The following PCDH15 variants were observed in gnomAD, a reference collection of about 807,000 sequenced individuals.
PCDH15 encodes the protein protocadherin-15.
A neutral mutation model predicts 178.5 loss-of-function variants in PCDH15; 129 were observed. That is an observed-to-expected ratio of 0.72 (90% CI 0.63 to 0.84). The LOEUF (loss-of-function observed/expected upper bound fraction) is 0.84. Ranked by LOEUF, PCDH15 falls within the 40% of genes least tolerant of loss-of-function variation. The pLI is 0.00. For missense variants in PCDH15, 2,230 were observed against 2,099.9 expected (o/e 1.06, Z -1.21); for synonymous variants, 800 against 732.0 (o/e 1.09, Z -1.50).
chr10:55,183,126 A>C lies in PCDH15; in HGVS notation c.-155-16475T>G, dbSNP rs1211759935. On this transcript the variant is annotated intron_variant, in intron 1 of 5. Transcript: ENST00000458638. Reference sequence around the variant, plus strand: ...CAGAGGAAGCAGTTGATTTTGAAAAAGTTGTTACTTATCTAATGTCAAAAT... The same window carrying C: ...CAGAGGAAGCAGTTGATTTTGAAAACGTTGTTACTTATCTAATGTCAAAAT... Among the ~76,000 whole-genome samples the C allele has an allele frequency of 3.3e-5, 5 of 152,008 alleles. No homozygotes were observed. The South Asian group carries it at 1.0e-3, about 32-fold the overall frequency.
chr10:55,131,276 G>T (rs1040758813), intron 2 of PCDH15, among the ~76,000 whole-genome samples: 1 of 152,122 alleles, frequency 6.6e-6, no homozygotes, highest in African/African-American at 2.4e-5. Flanking sequence ...CATGCTGTCT[G>T]CAATGAGGCA....
At chr10:54,064,770 T>C (rs1185268748) in intron 18 of PCDH15, among the ~76,000 whole-genome samples, 1 of 152,090 alleles carries the variant, frequency 6.6e-6, no homozygotes, top group Admixed American at 6.5e-5. Flanking sequence ...TGCCAGGAGC[T>C]GGAAGAGGTC....
intron 3 of PCDH15, among the ~76,000 whole-genome samples, chr10:54,400,731 G>A (rs1161637890): frequency 6.6e-6 from 1 of 151,916 alleles, no homozygotes; most frequent in Non-Finnish European, 1.5e-5. Flanking sequence ...CCATGACAAA[G>A]ACGAGAGGAA....
intron 8 of PCDH15, among the ~76,000 whole-genome samples, chr10:54,290,154 A>G (rs903363305): frequency 2.6e-5 from 4 of 152,148 alleles, no homozygotes; most frequent in African/African-American, 4.8e-5. Context: ...AGAAAGGTCG[A>G]GTTACCCACA....
At chr10:54,079,695 A>T (rs2094405562) in intron 16 of PCDH15, among the ~76,000 whole-genome samples, 2 of 152,200 alleles carry the variant, frequency 1.3e-5, no homozygotes, top group African/African-American at 4.8e-5. Context: ...TGCTTAATTC[A>T]TTCCAAGAAG....
chr10:54,837,005 G>T (rs937324265), intron 3 of PCDH15, among the ~76,000 whole-genome samples: 4 of 151,806 alleles, frequency 2.6e-5, no homozygotes, highest in Non-Finnish European at 5.9e-5. Context: ...ACAAAACGAA[G>T]AATATTTTTG....
chr10:54,245,843 C>G (rs1782982588), intron 8 of PCDH15, among the ~76,000 whole-genome samples: 1 of 151,892 alleles, frequency 6.6e-6, no homozygotes, highest in African/African-American at 2.4e-5. Flanking sequence ...GAGAGATATG[C>G]TCGGAGATGT....
chr10:55,627,458 T>G (rs190777895), intron 2 of PCDH15, among the ~76,000 whole-genome samples: 1 of 152,080 alleles, frequency 6.6e-6, no homozygotes, highest in East Asian at 1.9e-4. Context: ...CTTTGAAAGG[T>G]ACTTCCACCT....
At chr10:54,627,901 G>T (rs1486710854) in intron 2 of PCDH15, among the ~76,000 whole-genome samples, 1 of 152,200 alleles carries the variant, frequency 6.6e-6, no homozygotes, top group African/African-American at 2.4e-5. Context: ...CCTGACTAAA[G>T]TCTGGTCAAG....
chr10:55,096,433 C>T (rs1842451828), intron 2 of PCDH15, among the ~76,000 whole-genome samples: 1 of 152,056 alleles, frequency 6.6e-6, no homozygotes, highest in African/African-American at 2.4e-5. Flanking sequence ...GAAATGATTA[C>T]CACGATCAAG....
chr10:55,566,595 T>C (rs1470954617), intron 2 of PCDH15, among the ~76,000 whole-genome samples: 3 of 151,666 alleles, frequency 2.0e-5, no homozygotes, highest in Admixed American at 1.3e-4. Flanking sequence ...GTAGAACCAA[T>C]AAATTAAGTC....
chr10:54,921,278 C>T (rs1837479684), intron 2 of PCDH15, among the ~76,000 whole-genome samples: 1 of 151,920 alleles, frequency 6.6e-6, no homozygotes, highest in African/African-American at 2.4e-5. Flanking sequence ...ATTCTATTGC[C>T]TCAATATATA....
At chr10:55,496,880 GTAAATAAAAT>G (rs1300154510) in intron 2 of PCDH15, among the ~76,000 whole-genome samples, 1 of 151,684 alleles carries the variant, frequency 6.6e-6, no homozygotes, top group Non-Finnish European at 1.5e-5. Context: ...AAAAGGTCAG[GTAAATAAAAT>G]TAAACAATAT....
At chr10:54,511,840 A>G (rs2081698002) in intron 3 of PCDH15, among the ~76,000 whole-genome samples, 1 of 152,134 alleles carries the variant, frequency 6.6e-6, no homozygotes, top group African/African-American at 2.4e-5. Context: ...AAATGTTTTG[A>G]AATTTTGGGT....
intron 2 of PCDH15, among the ~76,000 whole-genome samples, chr10:55,024,377 G>A (rs1463004950): frequency 1.4e-5 from 2 of 147,932 alleles, no homozygotes; most frequent in Non-Finnish European, 3.0e-5. Flanking sequence ...GAGTGTGTGT[G>A]TGTACACAGA....
intron 2 of PCDH15, among the ~76,000 whole-genome samples, chr10:54,638,315 TAAAG>T (rs901774130): frequency 5.9e-5 from 9 of 152,200 alleles, no homozygotes; most frequent in East Asian, 1.9e-4. Flanking sequence ...GTAAACAAGT[TAAAG>T]AAAGAAACCC....
At chr10:55,307,453 AG>A (rs1843458633) in intron 1 of PCDH15, among the ~76,000 whole-genome samples, 2 of 151,950 alleles carry the variant, frequency 1.3e-5, no homozygotes. Flanking sequence ...CAGTGAGCCA[AG>A]ATCGCACCAC....
At chr10:55,399,737 T>C (rs926899022) in intron 2 of PCDH15, among the ~76,000 whole-genome samples, 35 of 152,114 alleles carry the variant, frequency 2.3e-4, no homozygotes, top group Non-Finnish European at 1.5e-4. Context: ...AGCAAAATCA[T>C]AAAATTGATT....
intron 1 of PCDH15, among the ~76,000 whole-genome samples, chr10:55,246,686 G>A (rs925630714): frequency 5.3e-5 from 8 of 152,076 alleles, no homozygotes; most frequent in African/African-American, 1.9e-4. Context: ...TGTGTATCAG[G>A]TGTCTTATTC....
Sources: gnomAD v4.1 joint callset for allele counts (sites outside exome capture counted in the v4.1 genomes callset) on GRCh38, gnomAD v4.1.1 for gene constraint, MANE v1.5 for transcripts, NCBI Gene and HGNC (gene_info 2026-07-23, HGNC 2026-07-21) for gene names.